Variants in NPEPL1 observed in about 807,000 individuals in gnomAD.
The protein encoded by NPEPL1 is probable aminopeptidase NPEPL1.
In NPEPL1, 45 loss-of-function variants were observed where a neutral mutation model predicts 52.4. That is an observed-to-expected ratio of 0.86 (90% CI 0.68 to 1.10). The LOEUF (loss-of-function observed/expected upper bound fraction) is 1.10, where lower values mean the gene tolerates loss of function less well. Among genes scored for constraint, NPEPL1 ranks in the 50% least tolerant of loss-of-function variants. NPEPL1 has a pLI of 0.00. For synonymous variants in NPEPL1, 360 were observed against 314.7 expected, an observed-to-expected ratio of 1.14 and a Z score of -1.52; for missense variants, 696 against 710.9, an observed-to-expected ratio of 0.98 and a Z score of 0.24.
At chr20:58,690,586 T>C (rs2084328447), upstream of NPEPL1, among the ~76,000 whole-genome samples, 1 of 152,234 alleles carries the variant, frequency 6.6e-6, no homozygotes, top group African/African-American at 2.4e-5. Flanking sequence ...GCGTTCTGTT[T>C]AGTTTGGATT....
At chr20:58,689,470 A>C (rs1008059714), upstream of NPEPL1, among the ~76,000 whole-genome samples, 3 of 152,144 alleles carry the variant, frequency 2.0e-5, no homozygotes, top group African/African-American at 7.2e-5. Context: ...CATGTTGGCC[A>C]GGCTGGTCTC....
upstream of NPEPL1, among the ~76,000 whole-genome samples, chr20:58,690,607 G>A (rs868651758): frequency 3.9e-5 from 6 of 152,166 alleles, no homozygotes; most frequent in African/African-American, 7.2e-5. Context: ...TCTTCAATTC[G>A]GGGGTGGCTT....
chr20:58,694,399 C>T (rs1480715671), intron 2 of NPEPL1, 23 bp from the exon 3 acceptor site: 14 of 1,586,016 alleles, frequency 8.8e-6, no homozygotes, highest in Middle Eastern at 1.7e-4. Context: ...GCACCCCTCA[C>T]GCCGTCTCCC....
intron 7 of NPEPL1, chr20:58,711,371 G>A (rs2084838509): frequency 6.6e-6 from 1 of 152,364 alleles, no homozygotes; most frequent in South Asian, 2.1e-4. Context: ...TGTACACACA[G>A]ATGGAATGTC....
intron 11 of NPEPL1, 21 bp from the exon 12 acceptor site, chr20:58,715,147 T>C: frequency 6.3e-7 from 1 of 1,590,096 alleles, no homozygotes; most frequent in Non-Finnish European, 8.5e-7. Flanking sequence ...CCAGAGTCTG[T>C]GTCCTGCCCT....
At chr20:58,714,273 A>C in intron 10 of NPEPL1, 180 bp downstream of exon 10, 1 of 665,714 alleles carries the variant, frequency 1.5e-6, no homozygotes, top group Non-Finnish European at 2.4e-6. Context: ...AGCGTGGGCC[A>C]CTCACTGGCT....
At position 58,698,724 on chromosome 20, in the gene NPEPL1, G is replaced by C. The variant is rs369031112; in HGVS notation, c.548G>C (p.Arg183Pro). Residue 183 changes from arginine to proline, a missense_variant, in exon 4 of 12, where the codon CGC becomes CCC. Coordinates refer to ENST00000356091, the MANE Select transcript of NPEPL1 (RefSeq NM_024663.4). ...NATDGVRLAA[R>P]IVDTPCNEMN... is the part of the protein sequence containing the mutation. ...ACAGACGGCGTGCGGCTAGCAGCCC[G>C]CATCGTGGACACACCCTGCAATGAG... 1.2e-6 allele frequency: 2 copies of C among 1,612,762 alleles called. No homozygotes were observed. The highest frequency in any genetic ancestry group is 1.7e-6 in the Non-Finnish European group (2 of 1,179,822).
chr20:58,691,364 C>CTTTT (rs59929508), upstream of NPEPL1: 17 of 177,274 alleles, frequency 9.6e-5, 3 homozygotes, highest in African/African-American at 3.7e-4. Flanking sequence ...CATTCAACAG[C>CTTTT]TTTTTTTTTT....
chr20:58,695,433 A>G lies in NPEPL1; in HGVS notation c.507+841A>G, dbSNP rs568333632. On this transcript the variant is annotated intron_variant, in intron 3 of 11. Coordinates refer to ENST00000356091, the MANE Select transcript of NPEPL1 (RefSeq NM_024663.4). ...GATCCTTTTGAGGCTGCAAGGCCGG[A>G]AGTGATTTCCCAGCTCCAGATCCTT... is the stretch of plus-strand genomic sequence containing the variant. 3.3e-5 allele frequency among the ~76,000 whole-genome samples: 5 copies of G among 151,494 alleles called. No individual in the cohort carries two copies. In the East Asian group the frequency reaches 9.7e-4, roughly 29 times the overall value.
In NPEPL1 at chr20:58,715,287, G is replaced by A; in HGVS notation, c.1533G>A (p.Gly511=). The change falls in exon 12 of 12, where the codon GGG becomes GGA. Residue 511 remains glycine (G), a synonymous_variant. Transcript: ENST00000356091. ...PLGCEVDVEE[G]DLGRDSKRRR... Reference sequence around the variant, plus strand: ...GCTGTGAGGTGGATGTCGAGGAGGGGGACCTGGGGAGGGACTCCAAGAGAC... The same window carrying A: ...GCTGTGAGGTGGATGTCGAGGAGGGAGACCTGGGGAGGGACTCCAAGAGAC... The A allele has an allele frequency of 1.2e-6, 2 of 1,611,566 alleles. No homozygotes were observed. Among genetic ancestry groups the A allele is most frequent in the Non-Finnish European group, 1.7e-6 (2 of 1,179,246 alleles).
chr20:58,693,288 G>C, intron 1 of NPEPL1: 1 of 176,410 alleles, frequency 5.7e-6, no homozygotes. Flanking sequence ...CCTGCGCCCC[G>C]CGAGGCCGCG....
Position 58,693,794 on chromosome 20 carries a change from T to C in NPEPL1, c.208T>C (p.Tyr70His). ...CAACCCCACGGACAGCTGTCCCCTC[T>C]ACCTGAACTACGCCACCGTGGCTGC... ...NPNPTDSCPL[Y>H]LNYATVAALP... Residue 70 changes from tyrosine (Y) to histidine (H), a missense_variant, in exon 2 of 12, where the codon TAC (tyrosine) becomes CAC (histidine). By Grantham distance (83) the Tyr-to-His change is moderately conservative. Transcript: ENST00000356091. 2 of 1,613,710 alleles carry C rather than the reference T, an allele frequency of 1.2e-6. No individual in the cohort carries two copies. Among genetic ancestry groups the C allele is most frequent in the Non-Finnish European group, 1.7e-6 (2 of 1,179,714 alleles).
At chr20:58,714,774 G>T (rs953418482) in intron 11 of NPEPL1, 104 bp downstream of exon 11, 3 of 908,640 alleles carry the variant, frequency 3.3e-6, no homozygotes, top group South Asian at 1.6e-5. Context: ...AGAAACTTCT[G>T]TCTGTGACCC....
intron 3 of NPEPL1, among the ~76,000 whole-genome samples, chr20:58,697,051 G>T (rs544941981): frequency 6.6e-6 from 1 of 152,318 alleles, no homozygotes; most frequent in Admixed American, 6.5e-5. Flanking sequence ...GCATCCTGTG[G>T]CCTCATCCTC....
chr20:58,694,024 AGAGGGCT>A, intron 2 of NPEPL1, 102 bp downstream of exon 2: 6 of 1,169,176 alleles, frequency 5.1e-6, no homozygotes, highest in Non-Finnish European at 7.1e-6. Context: ...GCGCACGCCC[AGAGGGCT>A]GTGGACGTTA....
At chr20:58,708,017 G>A (rs1041974126) in intron 7 of NPEPL1, among the ~76,000 whole-genome samples, 3 of 152,210 alleles carry the variant, frequency 2.0e-5, no homozygotes, top group African/African-American at 7.2e-5. Flanking sequence ...CCGGGAGGTT[G>A]AGGCTGCAGT....
rs1375652429 is a variant in NPEPL1, at chr20:58,692,845, G to C, written c.-56G>C. The C allele has an allele frequency of 1.2e-5, 12 of 988,128 alleles. No individual in the cohort carries two copies. Among genetic ancestry groups the C allele is most frequent in the Non-Finnish European group, 1.4e-5 (12 of 832,698 alleles). 61.2% of individuals were successfully genotyped at this position (988,128 alleles called of 1,614,324 possible). ...GCCGGGCCGGAGCGGGGCGAAGGGG[G>C]CCGAGCGGCGGGCCGGGCCGGGCCG... On this transcript the variant is annotated 5_prime_UTR_variant, in exon 1 of 12. Transcript: ENST00000356091. The surrounding 1 kb of genome is among the most constrained non-coding windows in gnomAD (Gnocchi z 5.7).
chr20:58,691,991 C>G, upstream of NPEPL1: 1 of 634,520 alleles, frequency 1.6e-6, no homozygotes, highest in Non-Finnish European at 2.8e-6. Flanking sequence ...TGCCCCACAC[C>G]CCCGATGGCC....
At chr20:58,708,862 G>A (rs1188607978) in intron 7 of NPEPL1, among the ~76,000 whole-genome samples, 1 of 152,034 alleles carries the variant, frequency 6.6e-6, no homozygotes, top group East Asian at 1.9e-4. Flanking sequence ...GGGTGGCACG[G>A]GGGCAGGGGT....
Sources: gnomAD v4.1 joint callset for allele counts (sites outside exome capture counted in the v4.1 genomes callset) on GRCh38, gnomAD v4.1.1 for gene constraint, Gnocchi (gnomAD v3.1) non-coding constraint, MANE v1.5 for transcripts, NCBI Gene and HGNC (gene_info 2026-07-23, HGNC 2026-07-21) for gene names.